CPPED1: variants seen among roughly 807,000 people sequenced by gnomAD.
CPPED1 encodes serine/threonine-protein phosphatase CPPED1.
CPPED1 carries 28 observed loss-of-function variants against 28.0 expected under a neutral mutation model. That is an observed-to-expected ratio of 1.00 (90% CI 0.74 to 1.37). CPPED1 has a LOEUF of 1.37. Ranked by LOEUF, CPPED1 falls within the 40% of genes most tolerant of loss-of-function variation. The pLI is 0.00. For synonymous variants in CPPED1, 198 were observed against 180.2 expected (o/e 1.10, Z -0.79); for missense variants, 504 against 416.5 (o/e 1.21, Z -1.83).
intron 1 of CPPED1, among the ~76,000 whole-genome samples, chr16:12,803,470 G>C (rs2080673051): frequency 1.3e-5 from 2 of 152,210 alleles, no homozygotes; most frequent in East Asian, 3.9e-4. Context: ...CTTCTCTGGG[G>C]GAAGTTAGGT....
At chr16:12,720,439 C>T (rs77658674) in intron 2 of CPPED1, 7,046 of 154,116 alleles carry the variant, frequency 0.046, 544 homozygotes, top group African/African-American at 0.16. Flanking sequence ...AAGGAAACTT[C>T]TTGTTTTCTG....
intron 1 of CPPED1, among the ~76,000 whole-genome samples, chr16:12,801,071 G>T (rs2080656676): frequency 6.6e-6 from 1 of 152,048 alleles, no homozygotes; most frequent in Non-Finnish European, 1.5e-5. Flanking sequence ...AGGAATATAA[G>T]AAATATTTAT....
intron 1 of CPPED1, 34 bp downstream of exon 1, chr16:12,803,673 A>G (rs954001287): frequency 6.8e-7 from 1 of 1,468,388 alleles, no homozygotes; most frequent in Non-Finnish European, 9.0e-7. Context: ...CCGCAGCCCC[A>G]GAGTCCCCTC....
intron 3 of CPPED1, among the ~76,000 whole-genome samples, chr16:12,668,137 CA>C: frequency 6.6e-6 from 1 of 150,874 alleles, no homozygotes. Context: ...AGTTTGAGGG[CA>C]AAAAAAAGAC....
chr16:12,746,257 C>G (rs541578951), intron 2 of CPPED1, among the ~76,000 whole-genome samples: 1 of 152,064 alleles, frequency 6.6e-6, no homozygotes, highest in Non-Finnish European at 1.5e-5. Context: ...CACCTGTAAT[C>G]CCAGCTACTT....
chr16:12,706,759 C>G (rs1397428830), intron 2 of CPPED1, among the ~76,000 whole-genome samples: 2 of 152,070 alleles, frequency 1.3e-5, no homozygotes, highest in African/African-American at 4.8e-5. Context: ...CTCTCGGTCC[C>G]TGGAGCAGGC....
chr16:12,761,329 G>A (rs1270353037), intron 2 of CPPED1, among the ~76,000 whole-genome samples: 1 of 151,736 alleles, frequency 6.6e-6, no homozygotes, highest in Non-Finnish European at 1.5e-5. Context: ...AAGAAAAGAG[G>A]AGAAGTTCTG....
At chr16:12,674,674 G>A (rs1024104034) in intron 3 of CPPED1, among the ~76,000 whole-genome samples, 1 of 152,104 alleles carries the variant, frequency 6.6e-6, no homozygotes, top group African/African-American at 2.4e-5. Context: ...TTTTACAGAT[G>A]AGAAAACTGA....
intron 3 of CPPED1, among the ~76,000 whole-genome samples, chr16:12,699,781 G>C (rs1180930897): frequency 6.8e-6 from 1 of 146,930 alleles, no homozygotes; most frequent in African/African-American, 2.4e-5. Context: ...CAGTAGTAGG[G>C]AATAATATTG....
At chr16:12,696,844 CAG>C (rs2079993617) in intron 3 of CPPED1, among the ~76,000 whole-genome samples, 1 of 152,042 alleles carries the variant, frequency 6.6e-6, no homozygotes, top group Non-Finnish European at 1.5e-5. Flanking sequence ...AAAACTAAGG[CAG>C]AGAAATGTTT....
At chr16:12,769,388 A>T (rs1007706901) in intron 2 of CPPED1, among the ~76,000 whole-genome samples, 2 of 152,154 alleles carry the variant, frequency 1.3e-5, no homozygotes, top group African/African-American at 4.8e-5. Context: ...CAGCAACTTG[A>T]TGAAGGAATC....
At chr16:12,740,481 A>G (rs555233260) in intron 2 of CPPED1, among the ~76,000 whole-genome samples, 2 of 151,964 alleles carry the variant, frequency 1.3e-5, no homozygotes, top group African/African-American at 4.8e-5. Flanking sequence ...AAAAACCCGT[A>G]GCCAAAAGTA....
chr16:12,681,415 C>T (rs1269995529), intron 3 of CPPED1, among the ~76,000 whole-genome samples: 1 of 152,112 alleles, frequency 6.6e-6, no homozygotes, highest in Non-Finnish European at 1.5e-5. Flanking sequence ...CTTGGACTTC[C>T]CAACCCCCAG....
intron 2 of CPPED1, among the ~76,000 whole-genome samples, chr16:12,766,402 C>A (rs181937707): frequency 2.0e-5 from 3 of 151,610 alleles, no homozygotes; most frequent in Admixed American, 2.0e-4. Context: ...TACAGCTTCA[C>A]GTGGCTGGGA....
At chr16:12,730,435 C>T (rs575763043) in intron 2 of CPPED1, among the ~76,000 whole-genome samples, 1 of 152,134 alleles carries the variant, frequency 6.6e-6, no homozygotes, top group Non-Finnish European at 1.5e-5. Context: ...TAATTCCACT[C>T]CTTGGAATAT....
At chr16:12,753,066 G>A (rs1008171916) in intron 2 of CPPED1, 1 of 151,694 alleles carries the variant, frequency 6.6e-6, no homozygotes, top group African/African-American at 2.4e-5. Context: ...TCATAAATTC[G>A]GTATAGTGTG....
intron 2 of CPPED1, among the ~76,000 whole-genome samples, chr16:12,736,166 A>G (rs1298769589): frequency 6.6e-6 from 1 of 152,230 alleles, no homozygotes; most frequent in South Asian, 2.1e-4. Context: ...CAAACTCAGA[A>G]GTGGGCTGTA....
intron 1 of CPPED1, among the ~76,000 whole-genome samples, chr16:12,782,870 C>CAATAAT (rs916337322): frequency 1.3e-5 from 2 of 151,192 alleles, no homozygotes; most frequent in South Asian, 2.1e-4. Context: ...GACTCTATCT[C>CAATAAT]AATAATAATA....
At chr16:12,723,088 C>T (rs796840223) in intron 2 of CPPED1, among the ~76,000 whole-genome samples, 10 of 152,252 alleles carry the variant, frequency 6.6e-5, no homozygotes, top group African/African-American at 2.2e-4. Context: ...CGTCTCCACC[C>T]GGCTCCCATC....
Sources: gnomAD v4.1 joint callset for allele counts (sites outside exome capture counted in the v4.1 genomes callset) on GRCh38, gnomAD v4.1.1 for gene constraint, MANE v1.5 for transcripts, NCBI Gene and HGNC (gene_info 2026-07-23, HGNC 2026-07-21) for gene names.